TUSC3: variants seen among roughly 807,000 people sequenced by gnomAD.
TUSC3 encodes dolichyl-diphosphooligosaccharide--protein glycosyltransferase subunit TUSC3.
Under a neutral mutation model 44.8 loss-of-function variants are expected in TUSC3, and 45 were observed. The observed-to-expected ratio is 1.00, with a 90% CI of 0.79 to 1.29. TUSC3 has a LOEUF of 1.29. Ranked by LOEUF, TUSC3 falls within the 50% of genes most tolerant of loss-of-function variation. The pLI is 0.00. For synonymous variants in TUSC3, 212 were observed against 152.9 expected (o/e 1.39, Z -2.85); for missense variants, 519 against 437.9 (o/e 1.19, Z -1.65).
At chr8:15,475,476 C>G (rs1800562307) in intron 1 of TUSC3, among the ~76,000 whole-genome samples, 1 of 152,154 alleles carries the variant, frequency 6.6e-6, no homozygotes, top group African/African-American at 2.4e-5. Context: ...CTGTTTATCT[C>G]TCAGTCTCTT....
chr8:15,718,146 A>C (rs534697767), intron 6 of TUSC3, among the ~76,000 whole-genome samples: 24 of 152,242 alleles, frequency 1.6e-4, no homozygotes, highest in African/African-American at 5.8e-4. Flanking sequence ...TAGATTGATG[A>C]AAGTAGTGAT....
At chr8:15,835,061 T>C in the TUSC3 span, among the ~76,000 whole-genome samples, 2 of 152,210 alleles carry the variant, frequency 1.3e-5, no homozygotes, top group Non-Finnish European at 2.9e-5. Flanking sequence ...TACTTTCCTT[T>C]CATAAACAAT....
chr8:15,535,187 A>C (rs1801504950), intron 2 of TUSC3, among the ~76,000 whole-genome samples: 1 of 152,240 alleles, frequency 6.6e-6, no homozygotes, highest in South Asian at 2.1e-4. Context: ...TAGATTCTGG[A>C]AATTAATTCT....
intron 6 of TUSC3, among the ~76,000 whole-genome samples, chr8:15,687,034 C>G (rs1257190200): frequency 6.6e-6 from 1 of 152,108 alleles, no homozygotes; most frequent in Non-Finnish European, 1.5e-5. Context: ...GATCGTGCCA[C>G]TGCACTGCAG....
chr8:15,821,645 T>G, the TUSC3 span, among the ~76,000 whole-genome samples: 1 of 151,896 alleles, frequency 6.6e-6, no homozygotes, highest in Admixed American at 6.6e-5. Flanking sequence ...CTAAAACCTC[T>G]CATTGAGTCA....
chr8:15,421,639 T>G (rs372802653), intron 1 of TUSC3, among the ~76,000 whole-genome samples: 1 of 152,258 alleles, frequency 6.6e-6, no homozygotes, highest in Non-Finnish European at 1.5e-5. Flanking sequence ...AAGGGAATTT[T>G]TGCGTTTTGT....
intron 1 of TUSC3, among the ~76,000 whole-genome samples, chr8:15,583,453 C>T (rs1803462071): frequency 2.0e-5 from 3 of 152,086 alleles, no homozygotes; most frequent in African/African-American, 7.2e-5. Flanking sequence ...CCAAGTTTAG[C>T]TTGGAAAATG....
the TUSC3 span, among the ~76,000 whole-genome samples, chr8:15,809,104 A>G: frequency 1.3e-5 from 2 of 152,108 alleles, no homozygotes; most frequent in Non-Finnish European, 2.9e-5. Context: ...CTATCATGCT[A>G]AAGTACCATC....
chr8:15,664,750 T>C (rs1807581401), intron 5 of TUSC3, among the ~76,000 whole-genome samples: 1 of 149,570 alleles, frequency 6.7e-6, no homozygotes, highest in East Asian at 1.9e-4. Flanking sequence ...TGATGGCCTT[T>C]GGCAACTCCT....
At position 15,446,025 on chromosome 8, in the gene TUSC3, G is replaced by T. The variant is rs1004648615; in HGVS notation, n.91+28720G>T. ...ACTTCCCAGACGGGCCGGCTGCCGG[G>T]CGGAGGGGCTCCTCACTTCTCAGAA... On this transcript the variant is annotated intron_variant and non_coding_transcript_variant, in intron 1 of 5. Transcript: ENST00000503191. Among the ~76,000 whole-genome samples, 5 of 152,130 alleles carry T rather than the reference G, an allele frequency of 3.3e-5. No homozygotes were observed. The South Asian group carries it at 1.0e-3, about 32-fold the overall frequency.
intron 2 of TUSC3, among the ~76,000 whole-genome samples, chr8:15,515,851 A>G (rs912351580): frequency 2.0e-5 from 3 of 151,760 alleles, no homozygotes; most frequent in Admixed American, 1.3e-4. Flanking sequence ...TTGTATTTTT[A>G]GTAGAAACGG....
At chr8:15,506,262 A>G (rs1801049027) in intron 2 of TUSC3, among the ~76,000 whole-genome samples, 1 of 151,884 alleles carries the variant, frequency 6.6e-6, no homozygotes, top group Non-Finnish European at 1.5e-5. Flanking sequence ...TCTCAGTCCC[A>G]CTCTCCCCTG....
intron 1 of TUSC3, among the ~76,000 whole-genome samples, chr8:15,598,915 T>G (rs1467244278): frequency 6.6e-6 from 1 of 151,802 alleles, no homozygotes; most frequent in Non-Finnish European, 1.5e-5. Flanking sequence ...CTTTACAGGT[T>G]TTTGTGTGGA....
chr8:15,618,176 G>C (rs1380027059), intron 1 of TUSC3, among the ~76,000 whole-genome samples: 1 of 152,126 alleles, frequency 6.6e-6, no homozygotes, highest in Non-Finnish European at 1.5e-5. Flanking sequence ...GAGTGTGAAG[G>C]CCTGGGACGT....
chr8:15,738,827 C>CTTTTTTGTTTTTTTTTTTT (rs1811047964), intron 7 of TUSC3, among the ~76,000 whole-genome samples: 2 of 87,172 alleles, frequency 2.3e-5, no homozygotes, highest in African/African-American at 9.7e-5. Flanking sequence ...ATATATCTTG[C>CTTTTTTGTTTTTTTTTTTT]TTTTTTTTTT....
chr8:15,467,867 C>T (rs946912197), intron 1 of TUSC3, among the ~76,000 whole-genome samples: 1 of 152,114 alleles, frequency 6.6e-6, no homozygotes, highest in Admixed American at 6.6e-5. Flanking sequence ...ATACCTTTCT[C>T]TAATATTCTA....
intron 1 of TUSC3, among the ~76,000 whole-genome samples, chr8:15,419,715 C>A (rs1443107889): frequency 6.6e-6 from 1 of 152,158 alleles, no homozygotes; most frequent in South Asian, 2.1e-4. Flanking sequence ...ATCTCTATGA[C>A]TTTATACAGC....
intron 1 of TUSC3, among the ~76,000 whole-genome samples, chr8:15,595,533 C>G (rs1261925327): frequency 2.0e-5 from 3 of 152,118 alleles, no homozygotes; most frequent in Non-Finnish European, 4.4e-5. Context: ...ATCCTGATGA[C>G]CAGCGTCCTG....
Position 15,618,193 on chromosome 8 carries a change from A to G in TUSC3, c.139-4887A>G, listed in dbSNP as rs538692793. ...GTGTGAAGGCCTGGGACGTTACTGT[A>G]CACTACTGTAGACTCTATAAACACT... is the stretch of plus-strand genomic sequence containing the variant. On this transcript the variant is annotated intron_variant, in intron 1 of 10. Transcript: ENST00000503731. Among the ~76,000 whole-genome samples the G allele has an allele frequency of 6.6e-5, 10 of 152,318 alleles. No homozygotes were observed. In the South Asian group the frequency reaches 1.9e-3, roughly 28 times the overall value.
Sources: allele counts gnomAD v4.1 joint callset (sites outside exome capture counted in the v4.1 genomes callset), GRCh38; gene constraint gnomAD v4.1.1; transcripts MANE v1.5; gene names NCBI Gene and HGNC (gene_info 2026-07-23, HGNC 2026-07-21).